Variants in RARS2 observed in about 807,000 individuals in gnomAD.
RARS2 encodes arginyl-tRNA synthetase 2, mitochondrial.
A neutral mutation model predicts 88.5 loss-of-function variants in RARS2; 67 were observed. That is an observed-to-expected ratio of 0.76 (90% confidence interval 0.62 to 0.93). The LOEUF is 0.93. Ranked by LOEUF, RARS2 falls within the 40% of genes least tolerant of loss-of-function variation. The pLI is 0.00. For synonymous variants in RARS2, 239 were observed against 230.3 expected, an observed-to-expected ratio of 1.04 and a Z score of -0.34; for missense variants, 664 against 684.2, an observed-to-expected ratio of 0.97 and a Z score of 0.33.
intron 8 of RARS2, among the ~76,000 whole-genome samples, chr6:87,541,604 A>T (rs991121515): frequency 6.6e-6 from 1 of 152,176 alleles, no homozygotes; most frequent in Non-Finnish European, 1.5e-5. Flanking sequence ...TGGGTGGATT[A>T]CCTGAGGTCA....
At chr6:87,547,931 T>G (rs6928160) in intron 6 of RARS2, among the ~76,000 whole-genome samples, 5 of 152,014 alleles carry the variant, frequency 3.3e-5, no homozygotes, top group Non-Finnish European at 2.9e-5. Context: ...TGAGCCACTA[T>G]GCCCGGCCAG....
intron 18 of RARS2, 69 bp from the exon 19 acceptor site, chr6:87,515,089 A>C (rs1661016730): frequency 8.5e-7 from 1 of 1,174,340 alleles, no homozygotes; most frequent in South Asian, 1.2e-5. Flanking sequence ...TGAGCTTGAT[A>C]TCTAATCTTA....
intron 8 of RARS2, among the ~76,000 whole-genome samples, chr6:87,535,073 T>C (rs1391177321): frequency 6.6e-6 from 1 of 152,060 alleles, no homozygotes; most frequent in Non-Finnish European, 1.5e-5. Flanking sequence ...ACACTGACTC[T>C]TACAAGTGAT....
chr6:87,514,905 A>AT, intron 19 of RARS2, 52 bp downstream of exon 19: 1 of 1,423,618 alleles, frequency 7.0e-7, no homozygotes, highest in Non-Finnish European at 9.9e-7. Flanking sequence ...TGACTTAGTA[A>AT]TATTAGTCTC....
intron 14 of RARS2, 34 bp from the exon 15 acceptor site, chr6:87,518,925 C>T: frequency 6.3e-7 from 1 of 1,598,264 alleles, no homozygotes; most frequent in Non-Finnish European, 8.6e-7. Flanking sequence ...CTTTAGTCTA[C>T]ATGACACTGT....
intron 8 of RARS2, among the ~76,000 whole-genome samples, chr6:87,533,774 C>T (rs1416332879): frequency 3.3e-5 from 5 of 152,168 alleles, no homozygotes; most frequent in Admixed American, 6.5e-5. Context: ...TTGGGCTGAT[C>T]TGCCCAAATA....
intron 3 of RARS2, 92 bp from the exon 4 acceptor site, chr6:87,562,877 C>T (rs1788274860): frequency 1.1e-6 from 1 of 927,202 alleles, no homozygotes; most frequent in Non-Finnish European, 1.8e-6. Context: ...TACAAAGACA[C>T]AAGTAAGTCA....
intron 8 of RARS2, among the ~76,000 whole-genome samples, chr6:87,541,635 C>T (rs1305873614): frequency 2.0e-5 from 3 of 152,104 alleles, no homozygotes; most frequent in Non-Finnish European, 1.5e-5. Flanking sequence ...ACCTGCCTGG[C>T]CAACATGGAG....
chr6:87,567,046 G>GT (rs1768132537), intron 2 of RARS2, among the ~76,000 whole-genome samples: 1 of 151,900 alleles, frequency 6.6e-6, no homozygotes, highest in African/African-American at 2.4e-5. Context: ...AAGGTCAGGA[G>GT]TTTGAGACCA....
intron 6 of RARS2, among the ~76,000 whole-genome samples, chr6:87,545,950 T>C (rs989420110): frequency 6.6e-6 from 1 of 152,022 alleles, no homozygotes; most frequent in Non-Finnish European, 1.5e-5. Flanking sequence ...CCTACATTAT[T>C]AATAGGATTT....
chr6:87,573,733 T>C (rs1770536326), intron 1 of RARS2, among the ~76,000 whole-genome samples: 1 of 151,584 alleles, frequency 6.6e-6, no homozygotes, highest in Non-Finnish European at 1.5e-5. Flanking sequence ...CGGGATAAAG[T>C]AGTGAAATGA....
intron 2 of RARS2, among the ~76,000 whole-genome samples, chr6:87,566,849 CAAAAAA>C (rs36032606): frequency 1.7e-5 from 1 of 60,294 alleles, no homozygotes; most frequent in Non-Finnish European, 3.1e-5. Flanking sequence ...GGTCCTGTCT[CAAAAAA>C]AAAAAAAAAA....
Position 87,558,729 on chromosome 6 carries a change from A to T in RARS2, c.298-3224T>A, listed in dbSNP as rs574836633. 2.6e-5 allele frequency among the ~76,000 whole-genome samples: 4 copies of T among 152,374 alleles called. No homozygotes were observed. The East Asian group carries it at 7.7e-4, about 29-fold the overall frequency. On this transcript the variant is annotated intron_variant, in intron 4 of 19. Transcript: ENST00000369536. ...TAGGCTAGGCTGCCAGTCAAATAAA[A>T]GTATAGCACATACAATTATGTACAT... is the stretch of plus-strand genomic sequence containing the variant.
chr6:87,548,729 C>G (rs1266558441), intron 5 of RARS2, 83 bp from the exon 6 acceptor site: 1 of 1,297,102 alleles, frequency 7.7e-7, no homozygotes, highest in East Asian at 2.4e-5. Flanking sequence ...CATACTTTGA[C>G]AAAACTGTGG....
intron 7 of RARS2, among the ~76,000 whole-genome samples, chr6:87,542,639 A>C (rs553857475): frequency 6.6e-6 from 1 of 150,564 alleles, no homozygotes; most frequent in Non-Finnish European, 1.5e-5. Flanking sequence ...GGATAGTGTT[A>C]ATTTGAACCT....
chr6:87,526,594 C>A (rs567054484), intron 10 of RARS2, among the ~76,000 whole-genome samples: 1 of 112,620 alleles, frequency 8.9e-6, no homozygotes, highest in Admixed American at 9.7e-5. Flanking sequence ...AAAACAGCAT[C>A]ATACTAGACA....
Position 87,564,388 on chromosome 6 carries a change from G to A in RARS2, c.111-156C>T, listed in dbSNP as rs781539977. On this transcript the variant is annotated intron_variant, in intron 2 of 19. Coordinates refer to ENST00000369536, the MANE Select transcript of RARS2 (RefSeq NM_020320.5). ...AATTAAAAGCAAGGGGGCCGAGAGC[G>A]GTGGCTCATGCCTGTAATCCCAGCA... is the stretch of plus-strand genomic sequence containing the variant. Among the ~76,000 whole-genome samples the A allele has an allele frequency of 6.6e-5, 10 of 152,214 alleles. No individual in the cohort carries two copies. In the East Asian group the frequency reaches 1.3e-3, roughly 21 times the overall value.
chr6:87,534,682 A>G (rs1265150936), intron 8 of RARS2, among the ~76,000 whole-genome samples: 2 of 152,200 alleles, frequency 1.3e-5, no homozygotes, highest in African/African-American at 4.8e-5. Flanking sequence ...AAGGGACAGC[A>G]GGGAGCAATG....
chr6:87,573,546 T>G (rs1478389423), intron 1 of RARS2, among the ~76,000 whole-genome samples: 1 of 152,144 alleles, frequency 6.6e-6, no homozygotes. Flanking sequence ...GGTAGAGAGT[T>G]TTAGTTGTGC....
Sources: gnomAD v4.1 joint callset for allele counts (sites outside exome capture counted in the v4.1 genomes callset) on GRCh38, gnomAD v4.1.1 for gene constraint, MANE v1.5 for transcripts, NCBI Gene and HGNC (gene_info 2026-07-23, HGNC 2026-07-21) for gene names.